Variants in TACC2 observed in about 807,000 individuals in gnomAD.
TACC2 encodes transforming acidic coiled-coil containing protein 2.
A neutral mutation model predicts 227.3 loss-of-function variants in TACC2; 137 were observed. The ratio of observed to expected loss-of-function variants is 0.60; its 90% CI spans 0.52 to 0.69. The LOEUF (loss-of-function observed/expected upper bound fraction) is 0.69, where lower values mean the gene tolerates loss of function less well. Among genes scored for constraint, TACC2 ranks in the 30% least tolerant of loss-of-function variants. The probability of loss-of-function intolerance (pLI) is 0.00; values close to 1 mark genes in which losing one functional copy is unlikely to be tolerated. For missense variants in TACC2, 3,470 were observed against 3,694.4 expected, an observed-to-expected ratio of 0.94 and a Z score of 1.57; for synonymous variants, 1,523 against 1,487.5, an observed-to-expected ratio of 1.02 and a Z score of -0.55.
chr10:122,087,485 C>G lies in TACC2; in HGVS notation c.4985C>G (p.Pro1662Arg). 1 of 1,613,960 alleles carries G rather than the reference C, an allele frequency of 6.2e-7. No individual in the cohort carries two copies. Among genetic ancestry groups the G allele is most frequent in the African/African-American group, 1.3e-5 (1 of 75,016 alleles). Residue 1662 changes from proline to arginine, a missense_variant, in exon 4 of 23, where the codon CCC becomes CGC. Pro to Arg is a moderately radical substitution (Grantham distance 103). Coordinates refer to ENST00000369005, the MANE Select transcript of TACC2 (RefSeq NM_206862.4). ...GACACGCTTGGGGGTGAAAGGAGAC[C>G]CGGAGTCACTGCTGGCATCTTGGAA... ...TLDTLGGERR[P>R]GVTAGILEMR... is the part of the protein sequence containing the mutation.
intron 2 of TACC2, among the ~76,000 whole-genome samples, chr10:122,031,397 C>CTTTTTTTTT (rs758476678): frequency 2.2e-5 from 2 of 91,738 alleles, no homozygotes; most frequent in Non-Finnish European, 4.0e-5. Context: ...GGTCTAGCCT[C>CTTTTTTTTT]TTTTTTTTTT....
chr10:122,215,488 C>T lies in TACC2; in HGVS notation c.7344+37C>T, dbSNP rs369779428. ...CTTTGATCTTGATGGTTTTATGCCC[C>T]CCCCGGGGGAGGTTTTCTTCGCTTG... On this transcript the variant is annotated intron_variant, in intron 10 of 22. Coordinates refer to ENST00000369005, the MANE Select transcript of TACC2 (RefSeq NM_206862.4). 55 of 1,580,934 alleles carry T rather than the reference C, an allele frequency of 3.5e-5. No homozygotes were observed. The African/African-American group carries it at 5.4e-4, about 15-fold the overall frequency.
intron 6 of TACC2, among the ~76,000 whole-genome samples, chr10:122,137,284 TAAA>T (rs112823591): frequency 7.1e-6 from 1 of 140,024 alleles, no homozygotes; most frequent in African/African-American, 2.6e-5. Context: ...GTATTTTCAT[TAAA>T]AAAAAAAAAA....
intron 6 of TACC2, among the ~76,000 whole-genome samples, chr10:122,137,086 T>A (rs760069865): frequency 6.6e-6 from 1 of 151,852 alleles, no homozygotes; most frequent in Admixed American, 6.5e-5. Flanking sequence ...GGGATTTCGA[T>A]GCACCCTTTC....
intron 5 of TACC2, among the ~76,000 whole-genome samples, chr10:122,108,388 T>TTC (rs146723425): frequency 0.3 from 44,442 of 146,316 alleles, 8,041 homozygotes; most frequent in South Asian, 0.42. Context: ...CGCTCTCTCT[T>TTC]TCTCTCTCTC....
chr10:122,237,455 G>A lies in TACC2; in HGVS notation c.8188G>A (p.Gly2730Arg), dbSNP rs61753077. The A allele has an allele frequency of 0.034, 55,584 of 1,613,828 alleles. 1,177 individuals are homozygous for A. The highest frequency in any genetic ancestry group is 0.042 in the Non-Finnish European group (49,723 of 1,179,846). The change falls in exon 17 of 23, where the codon GGG (glycine) becomes AGG (arginine). Residue 2730 changes from glycine to arginine, a missense_variant. Around this residue, in one of 10 missense-constraint regions of TACC2, gnomAD observed 345 missense variants for 354.4 expected, o/e 0.97. Transcript: ENST00000369005. ...CAAAACAGCCTTGTACTCCCGCATC[G>A]GGACCGCTGAGGTGGAGAAACCTGC... Reference protein sequence around the residue: ...ISKTALYSRIGTAEVEKPAGL... With the variant: ...ISKTALYSRIRTAEVEKPAGL...
intron 6 of TACC2, 136 bp from the exon 7 acceptor site, chr10:122,143,436 G>A (rs1258559036): frequency 2.1e-5 from 20 of 944,726 alleles, no homozygotes; most frequent in Non-Finnish European, 2.9e-5. Context: ...TGGGGAAGCC[G>A]GGGAGCCAAG....
In TACC2 at chr10:121,991,109, G is replaced by A. The variant is rs370642687; in HGVS notation, c.-46+1621G>A. The stretch of plus-strand genomic sequence containing the variant: ...TCTGGACCTACTTGTTTTTAAAAAT[G>A]CCTTTGTTATCATTTTAATGAAGTC... On this transcript the variant is annotated intron_variant, in intron 1 of 22. Coordinates refer to ENST00000369005, the MANE Select transcript of TACC2 (RefSeq NM_206862.4). Among the ~76,000 whole-genome samples the A allele has an allele frequency of 3.9e-4, 60 of 152,222 alleles. 1 individual carries two copies. In the East Asian group the frequency reaches 0.01, roughly 26 times the overall value.
intron 3 of TACC2, among the ~76,000 whole-genome samples, chr10:122,062,173 C>A (rs2076909807): frequency 6.6e-6 from 1 of 152,050 alleles, no homozygotes; most frequent in South Asian, 2.1e-4. Context: ...GCTGGGACTA[C>A]AGGTGCCCGC....
chr10:122,136,591 C>T (rs571640918), intron 6 of TACC2, among the ~76,000 whole-genome samples: 105 of 150,514 alleles, frequency 7.0e-4, no homozygotes, highest in East Asian at 4.9e-3. Context: ...CTTGCTCTGT[C>T]GCCCAGGCTG....
Position 122,224,774 on chromosome 10 carries a change from G to A in TACC2, c.7595G>A (p.Gly2532Asp). The change falls in exon 12 of 23, where the codon GGC (glycine) becomes GAC (aspartate). Residue 2532 changes from glycine (G) to aspartate (D), a missense_variant. Around this residue, in one of 10 missense-constraint regions of TACC2, gnomAD observed 345 missense variants for 354.4 expected, o/e 0.97. Transcript: ENST00000369005. ...SYEIEYMEKI[G>D]SSLPQDDDAP... ...GAAATTGAATATATGGAGAAAATTG[G>A]CTCCTCCTTACCTGTAAGTTCGTCT... 1 of 1,613,940 alleles carries A rather than the reference G, an allele frequency of 6.2e-7. No individual in the cohort carries two copies. The highest frequency in any genetic ancestry group is 8.5e-7 in the Non-Finnish European group (1 of 1,179,948).
Position 122,132,607 on chromosome 10 carries a change from A to G in TACC2, c.5574-2A>G. On this transcript the variant is annotated splice_acceptor_variant, in intron 5 of 22. Transcript: ENST00000369005. LOFTEE classifies it high-confidence loss of function. ...TAGGTTCTTTCCCTTTTCTCTCCCC[A>G]GTTCACCTGTGGCAGATGATATCAT... 2 of 1,614,190 alleles carry G rather than the reference A, an allele frequency of 1.2e-6. No individual in the cohort carries two copies. Among genetic ancestry groups the G allele is most frequent in the Non-Finnish European group, 1.7e-6 (2 of 1,180,022 alleles).
chr10:122,123,409 A>G (rs2086220459), intron 5 of TACC2, among the ~76,000 whole-genome samples: 1 of 152,124 alleles, frequency 6.6e-6, no homozygotes, highest in East Asian at 1.9e-4. Flanking sequence ...AGAAGAGATG[A>G]GTTGTTTTTC....
chr10:122,223,447 A>T (rs1185753057), intron 11 of TACC2, among the ~76,000 whole-genome samples: 1 of 152,144 alleles, frequency 6.6e-6, no homozygotes. Flanking sequence ...TTGGAAACAC[A>T]CTTTCTCTAC....
intron 7 of TACC2, among the ~76,000 whole-genome samples, chr10:122,160,635 G>A (rs2139769289): frequency 6.6e-6 from 1 of 152,090 alleles, no homozygotes; most frequent in East Asian, 1.9e-4. Context: ...CCTCCCAAAA[G>A]CCCCACCTCC....
chr10:122,188,290 A>T (rs560371905), intron 7 of TACC2, among the ~76,000 whole-genome samples: 37 of 151,820 alleles, frequency 2.4e-4, no homozygotes, highest in African/African-American at 4.6e-4. Flanking sequence ...TTATTTATTT[A>T]TTTTTTTGAG....
intron 3 of TACC2, among the ~76,000 whole-genome samples, chr10:122,063,456 C>G (rs1381597875): frequency 6.6e-6 from 1 of 152,288 alleles, no homozygotes; most frequent in East Asian, 1.9e-4. Context: ...TGACTTTTGA[C>G]GCTGGCTGAA....
At chr10:122,091,081 G>A (rs1335748348) in intron 5 of TACC2, among the ~76,000 whole-genome samples, 11 of 152,030 alleles carry the variant, frequency 7.2e-5, no homozygotes, top group African/African-American at 4.8e-5. Flanking sequence ...GACTGATTAT[G>A]GTTTTAACAG....
intron 7 of TACC2, among the ~76,000 whole-genome samples, chr10:122,160,470 G>A (rs552324004): frequency 3.3e-5 from 5 of 152,198 alleles, no homozygotes; most frequent in Admixed American, 6.5e-5. Flanking sequence ...GGTTCCTGAT[G>A]AAGGCTCTCC....
Sources: allele counts gnomAD v4.1 joint callset (sites outside exome capture counted in the v4.1 genomes callset), GRCh38; gene constraint gnomAD v4.1.1; regional missense constraint gnomAD v4.1.1; transcripts MANE v1.5; gene names NCBI Gene and HGNC (gene_info 2026-07-23, HGNC 2026-07-21).